GMDS: variants seen among roughly 807,000 people sequenced by gnomAD.
The protein encoded by GMDS is GDP-mannose 4,6 dehydratase.
GMDS carries 20 observed loss-of-function variants against 49.9 expected under a neutral mutation model. The ratio of observed to expected loss-of-function variants is 0.40; its 90% confidence interval spans 0.28 to 0.58. GMDS has a LOEUF of 0.58. GMDS is among the 20% of genes least tolerant of loss of function. The pLI is 0.42. For synonymous variants in GMDS, 177 were observed against 178.6 expected, an observed-to-expected ratio of 0.99 and a Z score of 0.07; for missense variants, 362 against 481.4, an observed-to-expected ratio of 0.75 and a Z score of 2.32.
At chr6:1,643,490 G>GA (rs1561694176) in intron 9 of GMDS, among the ~76,000 whole-genome samples, 1 of 152,142 alleles carries the variant, frequency 6.6e-6, no homozygotes, top group African/African-American at 2.4e-5. Flanking sequence ...GAGAGCCTTC[G>GA]AGAGTCCTTT....
chr6:1,635,297 G>A lies in GMDS; in HGVS notation c.988-10757C>T, dbSNP rs1389072011. Among the ~76,000 whole-genome samples the A allele has an allele frequency of 6.6e-6, 1 of 152,164 alleles. No individual in the cohort carries two copies. The highest frequency in any genetic ancestry group is 6.5e-5 in the Admixed American group (1 of 15,274). ...TATGCTCCTGTGAAAGGCAGGCTGA[G>A]GGGAAACAGCTTGTCTTCTTCCGTG... On this transcript the variant is annotated intron_variant, in intron 9 of 10. Coordinates refer to ENST00000380815, the MANE Select transcript of GMDS (RefSeq NM_001500.4). The surrounding 1 kb of genome is among the most constrained non-coding windows in gnomAD (Gnocchi z 4.7).
At chr6:2,063,546 A>G in intron 4 of GMDS, among the ~76,000 whole-genome samples, 1 of 152,334 alleles carries the variant, frequency 6.6e-6, no homozygotes, top group Non-Finnish European at 1.5e-5. Flanking sequence ...TAACACCAAA[A>G]TGAAACTATA....
intron 6 of GMDS, among the ~76,000 whole-genome samples, chr6:1,939,262 T>C (rs534013724): frequency 9.9e-5 from 15 of 152,172 alleles, no homozygotes; most frequent in African/African-American, 3.4e-4. Context: ...GTGCATTTAG[T>C]GAGAGTTCAT....
intron 7 of GMDS, among the ~76,000 whole-genome samples, chr6:1,748,346 G>T (rs568853026): frequency 6.6e-6 from 1 of 151,878 alleles, no homozygotes; most frequent in East Asian, 1.9e-4. Flanking sequence ...CATCAATTAT[G>T]CATATATCTC....
chr6:1,944,469 C>A (rs1218191338), intron 6 of GMDS, among the ~76,000 whole-genome samples: 4 of 150,418 alleles, frequency 2.7e-5, no homozygotes, highest in Non-Finnish European at 5.9e-5. Context: ...GGCGCCACTG[C>A]ACGCTAGCCT....
intron 1 of GMDS, among the ~76,000 whole-genome samples, chr6:2,215,869 A>G (rs973585040): frequency 6.6e-6 from 1 of 152,224 alleles, no homozygotes; most frequent in Non-Finnish European, 1.5e-5. Context: ...AGTAAATACA[A>G]TAAAGGTTGT....
At chr6:1,801,631 C>T (rs1769953914) in intron 7 of GMDS, among the ~76,000 whole-genome samples, 1 of 152,238 alleles carries the variant, frequency 6.6e-6, no homozygotes. Context: ...TTTCCCAGGG[C>T]TTAATTCAAG....
At chr6:1,838,355 C>T (rs138303584) in intron 7 of GMDS, among the ~76,000 whole-genome samples, 1 of 152,316 alleles carries the variant, frequency 6.6e-6, no homozygotes, top group African/African-American at 2.4e-5. Context: ...CTATGTAGTT[C>T]TCTCAAACAC....
chr6:1,986,498 A>C (rs1765554974), intron 4 of GMDS, among the ~76,000 whole-genome samples: 1 of 152,232 alleles, frequency 6.6e-6, no homozygotes, highest in African/African-American at 2.4e-5. Flanking sequence ...TATATTAAGA[A>C]TTAAATACCT....
chr6:2,167,251 C>A (rs1777713099), intron 1 of GMDS, among the ~76,000 whole-genome samples: 1 of 152,180 alleles, frequency 6.6e-6, no homozygotes, highest in South Asian at 2.1e-4. Context: ...ATGGGAAAGT[C>A]ATCCTAGATG....
intron 9 of GMDS, chr6:1,679,061 C>T (rs937169718): frequency 3.3e-5 from 5 of 152,212 alleles, no homozygotes; most frequent in Admixed American, 2.6e-4. Flanking sequence ...CATGTGCATG[C>T]GTACAGAGTC....
intron 4 of GMDS, among the ~76,000 whole-genome samples, chr6:2,100,125 A>G (rs995333296): frequency 2.6e-5 from 4 of 152,094 alleles, no homozygotes; most frequent in African/African-American, 9.7e-5. Context: ...AAAAATTCTG[A>G]CAAGATTAAT....
Position 1,806,549 on chromosome 6 carries a change from C to A in GMDS, c.772-63963G>T, listed in dbSNP as rs1486320605. Among the ~76,000 whole-genome samples the A allele has an allele frequency of 1.3e-5, 2 of 152,022 alleles. 1 individual carries two copies. Among genetic ancestry groups the A allele is most frequent in the Non-Finnish European group, 2.9e-5 (2 of 68,000 alleles). On this transcript the variant is annotated intron_variant, in intron 7 of 10. Transcript: ENST00000380815. Reference sequence around the variant, plus strand: ...TCTTTTGTAACTGAACAAATCGGGGCTTAAACATTGTTTCCACTCTGTCCA... The same window carrying A: ...TCTTTTGTAACTGAACAAATCGGGGATTAAACATTGTTTCCACTCTGTCCA...
At position 2,049,620 on chromosome 6, in the gene GMDS, G is replaced by C. The variant is rs111959421; in HGVS notation, c.345+66151C>G. Among the ~76,000 whole-genome samples the C allele has an allele frequency of 4.9e-3, 744 of 152,264 alleles. 4 individuals carry two copies. The highest frequency in any genetic ancestry group is 0.015 in the African/African-American group (640 of 41,532). ...TGAGCTTGCCCTGGATTATTACCCA[G>C]ATGGGCCCAGTGGAATCACTAGGGT... is the stretch of plus-strand genomic sequence containing the variant. On this transcript the variant is annotated intron_variant, in intron 4 of 10. Transcript: ENST00000380815.
chr6:2,238,857 G>A (rs951457223), intron 1 of GMDS, among the ~76,000 whole-genome samples: 1 of 151,206 alleles, frequency 6.6e-6, no homozygotes, highest in Admixed American at 6.6e-5. Flanking sequence ...AAAAAAAATC[G>A]TTCCTCACCA....
intron 4 of GMDS, among the ~76,000 whole-genome samples, chr6:2,040,984 C>A (rs1330101616): frequency 2.0e-5 from 3 of 152,174 alleles, no homozygotes; most frequent in African/African-American, 7.2e-5. Context: ...AACGTCTACA[C>A]TTTTCTTTTA....
At chr6:1,806,439 A>AACAC (rs34940754) in intron 7 of GMDS, among the ~76,000 whole-genome samples, 24,848 of 146,018 alleles carry the variant, frequency 0.17, 2,173 homozygotes, top group East Asian at 0.23. Context: ...AGCACATGGG[A>AACAC]ACACACACAC....
chr6:1,677,741 A>T (rs1764670162), intron 9 of GMDS, among the ~76,000 whole-genome samples: 1 of 144,178 alleles, frequency 6.9e-6, no homozygotes, highest in South Asian at 2.2e-4. Flanking sequence ...GTGGGAATTG[A>T]ACAATGAGAA....
At chr6:1,784,323 T>C (rs1299091341) in intron 7 of GMDS, among the ~76,000 whole-genome samples, 3 of 118,562 alleles carry the variant, frequency 2.5e-5, no homozygotes, top group Non-Finnish European at 4.8e-5. Context: ...ACCTGGGAGG[T>C]GGAGGTGGCA....
Sources: gnomAD v4.1 joint callset for allele counts (sites outside exome capture counted in the v4.1 genomes callset) on GRCh38, gnomAD v4.1.1 for gene constraint, Gnocchi (gnomAD v3.1) non-coding constraint, MANE v1.5 for transcripts, NCBI Gene and HGNC (gene_info 2026-07-23, HGNC 2026-07-21) for gene names.